Variants in ZBTB20 observed in about 807,000 individuals in gnomAD.
ZBTB20 encodes the protein zinc finger and BTB domain containing 20, also known as zinc finger and BTB domain-containing protein 20.
ZBTB20 carries 9 observed loss-of-function variants against 56.9 expected under a neutral mutation model. The observed-to-expected ratio is 0.16, with a 90% CI of 0.10 to 0.28. ZBTB20 has a LOEUF of 0.28. Among genes scored for constraint, ZBTB20 ranks in the 10% least tolerant of loss-of-function variants. ZBTB20 has a pLI of 1.00. For missense variants in ZBTB20, 655 were observed against 1,003.0 expected (o/e 0.65, Z 4.69); for synonymous variants, 417 against 420.7 (o/e 0.99, Z 0.11).
At chr3:114,763,584 A>T (rs1308710703) in intron 5 of ZBTB20, among the ~76,000 whole-genome samples, 1 of 152,218 alleles carries the variant, frequency 6.6e-6, no homozygotes. Context: ...CTTAAATAGC[A>T]TATATAGTAC....
intron 4 of ZBTB20, among the ~76,000 whole-genome samples, chr3:114,852,674 GT>G (rs2075061438): frequency 6.6e-6 from 1 of 152,088 alleles, no homozygotes; most frequent in South Asian, 2.1e-4. Flanking sequence ...TTTTGATCTG[GT>G]TTCTTTGTAT....
rs573570843 is a variant in ZBTB20 at position 114,622,887 on chromosome 3, G to A, written c.-295+70641C>T. Among the ~76,000 whole-genome samples, 10 of 152,294 alleles carry A rather than the reference G, an allele frequency of 6.6e-5. No homozygotes were observed. In the South Asian group the frequency reaches 2.1e-3, roughly 32 times the overall value. ...CTTTCCTAAAATTTAAGAACATCAA[G>A]TAAGTGCCCCTTAGGCTGGGTTGTG... On this transcript the variant is annotated intron_variant, in intron 6 of 11. Transcript: ENST00000675478.
intron 4 of ZBTB20, among the ~76,000 whole-genome samples, chr3:114,827,263 C>T (rs2073580286): frequency 1.3e-5 from 2 of 151,602 alleles, no homozygotes; most frequent in Non-Finnish European, 3.0e-5. Context: ...TAATTTTTGA[C>T]CTCTACTGGA....
In ZBTB20 at chr3:114,772,868, T is replaced by C. The variant is rs902281466; in HGVS notation, c.-343+28233A>G. 1.4e-4 allele frequency among the ~76,000 whole-genome samples: 21 copies of C among 152,282 alleles called. 1 individual carries two copies. The highest frequency in any genetic ancestry group is 5.1e-4 in the African/African-American group (21 of 41,546). The stretch of plus-strand genomic sequence containing the variant: ...AGCGACTCTGTAAATGTAATGAAGG[T>C]TGTTAACACTAAAACAGGGAGAGTA... On this transcript the variant is annotated intron_variant, in intron 5 of 11. Transcript: ENST00000675478.
At chr3:114,829,539 A>G (rs1300615049) in intron 4 of ZBTB20, among the ~76,000 whole-genome samples, 1 of 151,952 alleles carries the variant, frequency 6.6e-6, no homozygotes, top group Non-Finnish European at 1.5e-5. Context: ...AGTATTGCCA[A>G]TAGAAAATAA....
intron 2 of ZBTB20, among the ~76,000 whole-genome samples, chr3:114,987,105 T>C (rs763369832): frequency 2.6e-5 from 4 of 152,176 alleles, no homozygotes; most frequent in Admixed American, 1.3e-4. Flanking sequence ...CATACAACCA[T>C]GATTTTTAAA....
chr3:114,609,371 C>G (rs4555491), intron 6 of ZBTB20, among the ~76,000 whole-genome samples: 22,013 of 152,186 alleles, frequency 0.14, 1,845 homozygotes, highest in Admixed American at 0.25. Context: ...TTTGGTTGTA[C>G]TGTAGTTATA....
intron 3 of ZBTB20, among the ~76,000 whole-genome samples, chr3:114,942,233 A>T (rs2076744525): frequency 6.9e-6 from 1 of 145,874 alleles, no homozygotes; most frequent in African/African-American, 2.8e-5. Flanking sequence ...TTTCCTTTGT[A>T]TCAGGGATAA....
At chr3:114,901,265 C>CAA (rs60746426) in intron 3 of ZBTB20, among the ~76,000 whole-genome samples, 92 of 125,296 alleles carry the variant, frequency 7.3e-4, no homozygotes, top group Admixed American at 1.4e-3. Flanking sequence ...GGCTCCATCT[C>CAA]AAAAAAAAAA....
intron 6 of ZBTB20, among the ~76,000 whole-genome samples, chr3:114,639,197 G>A (rs2059428604): frequency 1.3e-5 from 2 of 152,062 alleles, no homozygotes; most frequent in Non-Finnish European, 2.9e-5. Context: ...AGTAAGTAGT[G>A]GGGAACTGTT....
intron 2 of ZBTB20, among the ~76,000 whole-genome samples, chr3:115,004,376 TG>T (rs34167313): frequency 1.3e-5 from 2 of 151,700 alleles, no homozygotes; most frequent in African/African-American, 2.4e-5. Context: ...TTACATTACA[TG>T]GAAGTATTCT....
At chr3:114,983,319 T>C (rs928386526) in intron 2 of ZBTB20, among the ~76,000 whole-genome samples, 1 of 152,032 alleles carries the variant, frequency 6.6e-6, no homozygotes, top group Admixed American at 6.6e-5. Context: ...TATTCGTCTC[T>C]ACTCTGTCAA....
chr3:114,735,623 C>T (rs2066094123), intron 5 of ZBTB20, among the ~76,000 whole-genome samples: 1 of 152,050 alleles, frequency 6.6e-6, no homozygotes, highest in Non-Finnish European at 1.5e-5. Flanking sequence ...TCTAGATTAT[C>T]AGAATTTAAT....
chr3:114,806,902 C>T (rs2072144641), intron 4 of ZBTB20, among the ~76,000 whole-genome samples: 2 of 152,092 alleles, frequency 1.3e-5, no homozygotes, highest in South Asian at 4.1e-4. Context: ...ATTGCCTTGG[C>T]ACCTTTGTCA....
intron 1 of ZBTB20, among the ~76,000 whole-genome samples, chr3:115,079,657 G>GT (rs1174352674): frequency 6.6e-6 from 1 of 152,166 alleles, no homozygotes; most frequent in Non-Finnish European, 1.5e-5. Context: ...GCCTCCCAAA[G>GT]TGCAGGGATT....
intron 7 of ZBTB20, among the ~76,000 whole-genome samples, chr3:114,435,101 G>C (rs922874593): frequency 2.0e-5 from 3 of 152,120 alleles, no homozygotes; most frequent in Non-Finnish European, 1.5e-5. Context: ...AAGCTTAACT[G>C]GGACTAAAAT....
intron 2 of ZBTB20, among the ~76,000 whole-genome samples, chr3:114,983,054 T>C (rs2078394200): frequency 1.3e-5 from 2 of 152,022 alleles, no homozygotes; most frequent in African/African-American, 4.8e-5. Context: ...TCAAGTCCTA[T>C]ATACTTGGTT....
At chr3:114,971,021 A>T (rs1232590560) in intron 3 of ZBTB20, among the ~76,000 whole-genome samples, 1 of 152,194 alleles carries the variant, frequency 6.6e-6, no homozygotes, top group Non-Finnish European at 1.5e-5. Flanking sequence ...TCAAAAAAAA[A>T]AAAAAGATAA....
intron 6 of ZBTB20, among the ~76,000 whole-genome samples, chr3:114,597,038 A>T (rs6774388): frequency 2.0e-5 from 3 of 149,998 alleles, no homozygotes; most frequent in Non-Finnish European, 4.5e-5. Flanking sequence ...AAAGCAAATT[A>T]AAAAAATATA....
Sources: gnomAD v4.1 joint callset for allele counts (sites outside exome capture counted in the v4.1 genomes callset) on GRCh38, gnomAD v4.1.1 for gene constraint, MANE v1.5 for transcripts, NCBI Gene and HGNC (gene_info 2026-07-23, HGNC 2026-07-21) for gene names.